The following MYBPC1 variants were observed in gnomAD, a reference collection of about 807,000 sequenced individuals.
MYBPC1 encodes myosin binding protein C1.
A neutral mutation model predicts 147.1 loss-of-function variants in MYBPC1; 52 were observed. The ratio of observed to expected loss-of-function variants is 0.35; its 90% confidence interval spans 0.28 to 0.45. MYBPC1 has a LOEUF of 0.45. MYBPC1 is among the 20% of genes least tolerant of loss of function. The pLI, the probability that MYBPC1 is intolerant of heterozygous loss-of-function variation, is 1.00. For missense variants in MYBPC1, 1,228 were observed against 1,440.3 expected (o/e 0.85, Z 2.39); for synonymous variants, 477 against 475.9 (o/e 1.00, Z -0.03).
chr12:101,665,977 A>T (rs2136545228), intron 22 of MYBPC1, among the ~76,000 whole-genome samples: 1 of 152,272 alleles, frequency 6.6e-6, no homozygotes, highest in Non-Finnish European at 1.5e-5. Flanking sequence ...GGGTTAGAAC[A>T]AGAGAGAGGC....
chr12:101,670,366 T>C lies in MYBPC1; in HGVS notation c.2570T>C (p.Ile857Thr). ...CCAAGACACCTGAAGCAAACCTATA[T>C]CCGCAGAGTTGGAGAAGCTGTCAAT... is the stretch of plus-strand genomic sequence containing the variant. Reference protein sequence around the residue: ...RIPRHLKQTYIRRVGEAVNLV... With the variant: ...RIPRHLKQTYTRRVGEAVNLV... The change falls in exon 24 of 32, where the codon ATC becomes ACC. Residue 857 changes from isoleucine (I) to threonine (T), a missense_variant. By Grantham distance (89) the Ile-to-Thr change is moderately conservative (BLOSUM62 -1). Transcript: ENST00000361466. The C allele has an allele frequency of 6.2e-7, 1 of 1,614,062 alleles. No individual in the cohort carries two copies. The highest frequency in any genetic ancestry group is 8.5e-7 in the Non-Finnish European group (1 of 1,179,958).
At position 101,662,399 on chromosome 12, in the gene MYBPC1, A is replaced by G. The variant is rs751670311; in HGVS notation, c.2074A>G (p.Met692Val). ...ERKKKQSSRW[M>V]RLNFDLCKET... is the part of the protein sequence containing the mutation. The stretch of plus-strand genomic sequence containing the variant: ...GAAGAAGAAACAAAGCTCCAGGTGG[A>G]TGAGGCTGAATTTTGATCTCTGCAA... Residue 692 changes from methionine (M) to valine (V), a missense_variant, in exon 21 of 32, where the codon ATG becomes GTG. Transcript: ENST00000361466. The G allele has an allele frequency of 6.2e-7, 1 of 1,614,234 alleles. No homozygotes were observed. Among genetic ancestry groups the G allele is most frequent in the Non-Finnish European group, 8.5e-7 (1 of 1,180,036 alleles).
chr12:101,599,098 A>C (rs1593564711), intron 1 of MYBPC1, among the ~76,000 whole-genome samples: 1 of 152,222 alleles, frequency 6.6e-6, no homozygotes, highest in East Asian at 1.9e-4. Flanking sequence ...GTTCCGTGTA[A>C]GATCTCTTCT....
At chr12:101,674,439 T>A (rs903743605) in intron 25 of MYBPC1, among the ~76,000 whole-genome samples, 2 of 151,994 alleles carry the variant, frequency 1.3e-5, no homozygotes, top group Non-Finnish European at 2.9e-5. Context: ...CCTGCCAGAG[T>A]AGTTAGATAC....
downstream of MYBPC1, among the ~76,000 whole-genome samples, chr12:101,690,749 G>T (rs1174122181): frequency 6.6e-6 from 1 of 152,146 alleles, no homozygotes; most frequent in African/African-American, 2.4e-5. Flanking sequence ...GCGAAATTTT[G>T]TTTTCTGATC....
rs553332824 is a variant in MYBPC1, at chr12:101,659,770, C to G, written c.1866C>G (p.Tyr622Ter). 1.2e-6 allele frequency: 2 copies of G among 1,614,092 alleles called. No homozygotes were observed. Residue 622 changes from tyrosine (Y) to a stop codon, truncating the protein, a stop_gained, in exon 19 of 32, where the codon TAC (tyrosine) becomes TAG (stop). Coordinates refer to ENST00000361466, the MANE Select transcript of MYBPC1 (RefSeq NM_002465.4). LOFTEE classifies it high-confidence loss of function. ...CTGAAAGAGATGACTCTGGTGTTTACCACATCAATCTGAAAAACGAAGCTG... is the reference window on the plus strand; with the variant it reads ...CTGAAAGAGATGACTCTGGTGTTTAGCACATCAATCTGAAAAACGAAGCTG... Reference protein sequence around the residue: ...DIAERDDSGVYHINLKNEAGE... With the variant: ...DIAERDDSGV
chr12:101,685,769 GC>G lies in MYBPC1; in HGVS notation c.*212del, dbSNP rs1566026400. ...AAAGCATTTTCTGTTTTCCCACCAG[GC>G]CCCCAAGTGTGGTCTTTTTCTTTCC... On this transcript the variant is annotated 3_prime_UTR_variant, in exon 32 of 32. Transcript: ENST00000361466. 2 of 910,458 alleles carry G rather than the reference GC, an allele frequency of 2.2e-6. No homozygotes were observed. The highest frequency in any genetic ancestry group is 5.9e-5 in the Admixed American group (2 of 33,622). 56.4% of individuals were successfully genotyped at this position (910,458 alleles called of 1,614,324 possible). A position where few individuals can be genotyped will look rare whatever the true frequency, so the allele number is the denominator to read the frequency against.
At chr12:101,658,426 C>T (rs1437594163) in intron 18 of MYBPC1, among the ~76,000 whole-genome samples, 1 of 151,690 alleles carries the variant, frequency 6.6e-6, no homozygotes, top group East Asian at 1.9e-4. Context: ...AAAAACCCAA[C>T]AGCTAAAGTT....
chr12:101,610,959 G>A (rs545030196), intron 1 of MYBPC1, among the ~76,000 whole-genome samples: 2 of 152,138 alleles, frequency 1.3e-5, no homozygotes, highest in Non-Finnish European at 2.9e-5. Context: ...CTTGCAAAAT[G>A]GAGATAATCA....
chr12:101,610,465 A>G (rs1186589266), intron 1 of MYBPC1, among the ~76,000 whole-genome samples: 1 of 152,202 alleles, frequency 6.6e-6, no homozygotes, highest in East Asian at 1.9e-4. Context: ...AGACCTAGAA[A>G]TAAGGCATAT....
intron 18 of MYBPC1, among the ~76,000 whole-genome samples, chr12:101,654,386 A>G (rs1895146314): frequency 6.6e-6 from 1 of 152,206 alleles, no homozygotes; most frequent in Non-Finnish European, 1.5e-5. Flanking sequence ...ATCGTGAAAG[A>G]CAATGACTAT....
intron 2 of MYBPC1, 121 bp downstream of exon 2, chr12:101,614,652 T>C: frequency 1.1e-6 from 1 of 951,742 alleles, no homozygotes. Context: ...TACTGAGAAG[T>C]TGGATGGTGA....
chr12:101,681,555 CATATATATATATATATATATATATAT>C (rs1206495774), intron 29 of MYBPC1, among the ~76,000 whole-genome samples: 43 of 23,170 alleles, frequency 1.9e-3, no homozygotes, highest in African/African-American at 2.9e-3. Flanking sequence ...AAATAACTTT[CATATATATATATATATATATATATAT>C]ATATATATAT....
chr12:101,632,125 T>A lies in MYBPC1; in HGVS notation c.543T>A (p.Asp181Glu), dbSNP rs750919245. The A allele has an allele frequency of 1.2e-5, 20 of 1,610,046 alleles. No homozygotes were observed. Among genetic ancestry groups the A allele is most frequent in the Non-Finnish European group, 8.5e-7 (1 of 1,176,358 alleles). Residue 181 changes from aspartate (D) to glutamate (E), a missense_variant, in exon 8 of 32, where the codon GAT becomes GAA. By Grantham distance (45) the Asp-to-Glu change is conservative. Transcript: ENST00000361466. ...YKDKFDSCSF[D>E]LEVHESTGTT... is the part of the protein sequence containing the mutation. ...ATAAGTTTGACAGCTGTTCATTTGA[T>A]CTTGAAGTGCACGGTAAGAGAGCCT...
intron 26 of MYBPC1, among the ~76,000 whole-genome samples, chr12:101,675,926 T>C (rs1001112842): frequency 1.3e-5 from 2 of 152,234 alleles, no homozygotes; most frequent in Non-Finnish European, 2.9e-5. Context: ...AGAAAGATTC[T>C]ACAAGGTTAC....
At chr12:101,599,675 A>T (rs1879023929) in intron 1 of MYBPC1, among the ~76,000 whole-genome samples, 1 of 151,410 alleles carries the variant, frequency 6.6e-6, no homozygotes. Flanking sequence ...TTATGCAGAA[A>T]ACTAAGAGAA....
At chr12:101,649,233 C>T (rs754668228) in intron 14 of MYBPC1, 27 bp from the exon 15 acceptor site, 4 of 1,602,390 alleles carry the variant, frequency 2.5e-6, no homozygotes, top group African/African-American at 1.3e-5. Flanking sequence ...CTTTTACAAA[C>T]CTTTTTAATA....
chr12:101,687,748 A>G (rs1951373388), downstream of MYBPC1, among the ~76,000 whole-genome samples: 1 of 152,060 alleles, frequency 6.6e-6, no homozygotes, highest in Non-Finnish European at 1.5e-5. Flanking sequence ...TAACTCAAAT[A>G]CTCTGAGCAC....
At chr12:101,630,434 C>T (rs1434533884) in intron 6 of MYBPC1, among the ~76,000 whole-genome samples, 1 of 152,192 alleles carries the variant, frequency 6.6e-6, no homozygotes, top group Non-Finnish European at 1.5e-5. Flanking sequence ...CTTTATGCCT[C>T]AGTTTCCCCA....
Sources: allele counts gnomAD v4.1 joint callset (sites outside exome capture counted in the v4.1 genomes callset), GRCh38; gene constraint gnomAD v4.1.1; transcripts MANE v1.5; gene names NCBI Gene and HGNC (gene_info 2026-07-23, HGNC 2026-07-21).